PPP3R1: variants seen among roughly 807,000 people sequenced by gnomAD.
The protein encoded by PPP3R1 is protein phosphatase 3 regulatory subunit B, alpha.
Under a neutral mutation model 22.6 loss-of-function variants are expected in PPP3R1, and 5 were observed. That is an observed-to-expected ratio of 0.22 (90% CI 0.12 to 0.46). PPP3R1 has a LOEUF of 0.46. Among genes scored for constraint, PPP3R1 ranks in the 20% least tolerant of loss-of-function variants. The pLI, the probability that PPP3R1 is intolerant of heterozygous loss-of-function variation, is 0.99. For missense variants in PPP3R1, 61 were observed against 203.2 expected (o/e 0.30, Z 4.25); for synonymous variants, 56 against 65.2 (o/e 0.86, Z 0.68).
intron 2 of PPP3R1, among the ~76,000 whole-genome samples, chr2:68,205,757 G>A (rs1204660370): frequency 3.9e-5 from 6 of 152,176 alleles, no homozygotes; most frequent in African/African-American, 1.4e-4. Context: ...TATAGCAGCC[G>A]AAAGCCAGAT....
At chr2:68,189,384 T>A (rs1378405852) in intron 2 of PPP3R1, among the ~76,000 whole-genome samples, 1 of 152,154 alleles carries the variant, frequency 6.6e-6, no homozygotes, top group African/African-American at 2.4e-5. Context: ...TAAAAAGAAA[T>A]GTTTACATTA....
intron 1 of PPP3R1, among the ~76,000 whole-genome samples, chr2:68,235,255 T>C (rs1669997179): frequency 6.6e-6 from 1 of 152,114 alleles, no homozygotes; most frequent in Admixed American, 6.5e-5. Flanking sequence ...CCATCTAAAG[T>C]ATACAACTCA....
intron 1 of PPP3R1, among the ~76,000 whole-genome samples, chr2:68,236,109 A>T (rs1356756852): frequency 6.6e-6 from 1 of 152,166 alleles, no homozygotes; most frequent in Non-Finnish European, 1.5e-5. Context: ...CGATTTTGAG[A>T]AACTCCCCCT....
At chr2:68,201,730 G>T (rs541859625) in intron 2 of PPP3R1, among the ~76,000 whole-genome samples, 185 of 152,030 alleles carry the variant, frequency 1.2e-3, no homozygotes, top group Non-Finnish European at 1.6e-3. Flanking sequence ...GTCTTTTTTT[G>T]TTCTCACATT....
chr2:68,207,648 T>C (rs1180115110), intron 2 of PPP3R1, among the ~76,000 whole-genome samples: 5 of 152,102 alleles, frequency 3.3e-5, no homozygotes, highest in Non-Finnish European at 7.4e-5. Context: ...GACTGAGAAA[T>C]AAAAAATTAA....
At chr2:68,188,386 G>T in intron 3 of PPP3R1, 128 bp downstream of exon 3, 1 of 690,748 alleles carries the variant, frequency 1.4e-6, no homozygotes, top group Non-Finnish European at 2.2e-6. Flanking sequence ...AGACGCTGAG[G>T]TTTTAACATA....
intron 2 of PPP3R1, among the ~76,000 whole-genome samples, chr2:68,212,950 AG>A (rs1207270985): frequency 6.6e-6 from 1 of 152,226 alleles, no homozygotes; most frequent in East Asian, 1.9e-4. Context: ...TTATACTTGA[AG>A]AACCAACCTC....
chr2:68,181,707 A>AC (rs1481454486), intron 5 of PPP3R1, among the ~76,000 whole-genome samples: 2 of 151,080 alleles, frequency 1.3e-5, no homozygotes, highest in East Asian at 3.9e-4. Flanking sequence ...GCTGGCCCCT[A>AC]CTTCAGTAGT....
chr2:68,247,277 C>T (rs1670256171), intron 1 of PPP3R1, among the ~76,000 whole-genome samples: 1 of 148,268 alleles, frequency 6.7e-6, no homozygotes, highest in Non-Finnish European at 1.5e-5. Flanking sequence ...TTAAATTCAG[C>T]ATGTGCAAAA....
intron 2 of PPP3R1, among the ~76,000 whole-genome samples, chr2:68,214,190 A>C (rs1490052840): frequency 1.3e-5 from 2 of 152,200 alleles, no homozygotes; most frequent in Non-Finnish European, 2.9e-5. Flanking sequence ...AAAACCCTGT[A>C]AGATAAGCTA....
At chr2:68,213,880 G>T (rs1170328579) in intron 2 of PPP3R1, among the ~76,000 whole-genome samples, 1 of 152,126 alleles carries the variant, frequency 6.6e-6, no homozygotes, top group African/African-American at 2.4e-5. Flanking sequence ...TAAGCAAAAA[G>T]AATAAAGCTG....
At chr2:68,204,498 A>T (rs1219269169) in intron 2 of PPP3R1, among the ~76,000 whole-genome samples, 1 of 152,140 alleles carries the variant, frequency 6.6e-6, no homozygotes. Flanking sequence ...ACTATGAAAC[A>T]TGATGGCCTA....
intron 2 of PPP3R1, among the ~76,000 whole-genome samples, chr2:68,214,587 C>A (rs974319017): frequency 6.6e-6 from 1 of 152,172 alleles, no homozygotes; most frequent in Admixed American, 6.5e-5. Context: ...TAGATACTGT[C>A]TCACACCAGT....
chr2:68,199,256 C>T (rs1418335987), intron 2 of PPP3R1, among the ~76,000 whole-genome samples: 2 of 152,166 alleles, frequency 1.3e-5, no homozygotes, highest in Non-Finnish European at 2.9e-5. Flanking sequence ...GCCACCGCTC[C>T]CAGACCCATT....
At chr2:68,225,862 A>C (rs1669770646) in intron 1 of PPP3R1, among the ~76,000 whole-genome samples, 1 of 152,232 alleles carries the variant, frequency 6.6e-6, no homozygotes, top group African/African-American at 2.4e-5. Flanking sequence ...ACATGTCCAC[A>C]CAGAAATCTG....
At chr2:68,219,018 T>C (rs560180574) in intron 1 of PPP3R1, among the ~76,000 whole-genome samples, 53 of 152,142 alleles carry the variant, frequency 3.5e-4, no homozygotes, top group Admixed American at 7.9e-4. Flanking sequence ...GGAATGCATA[T>C]ATCCAAAACA....
chr2:68,230,050 C>T (rs1428572955), intron 1 of PPP3R1, among the ~76,000 whole-genome samples: 1 of 150,880 alleles, frequency 6.6e-6, no homozygotes. Flanking sequence ...TGGAGCGTAG[C>T]GGCACAATCT....
At chr2:68,251,143 AC>A (rs1245130929) in intron 1 of PPP3R1, 1 of 152,232 alleles carries the variant, frequency 6.6e-6, no homozygotes, top group Non-Finnish European at 1.5e-5. Flanking sequence ...GAGGAAACTA[AC>A]GACTAGGGCT....
intron 1 of PPP3R1, among the ~76,000 whole-genome samples, chr2:68,232,669 C>A (rs1184510588): frequency 6.6e-6 from 1 of 152,002 alleles, no homozygotes; most frequent in Non-Finnish European, 1.5e-5. Flanking sequence ...TGCAGTGGCA[C>A]GATCTCAGCT....
Sources: gnomAD v4.1 joint callset for allele counts (sites outside exome capture counted in the v4.1 genomes callset) on GRCh38, gnomAD v4.1.1 for gene constraint, MANE v1.5 for transcripts, NCBI Gene and HGNC (gene_info 2026-07-23, HGNC 2026-07-21) for gene names.